The following ABCB5 variants were observed in gnomAD, a reference collection of about 807,000 sequenced individuals.
ABCB5 encodes ATP-binding cassette sub-family B member 5.
ABCB5 carries 155 observed loss-of-function variants against 144.2 expected under a neutral mutation model. That is an observed-to-expected ratio of 1.08 (90% CI 0.94 to 1.23). The LOEUF is 1.23. Ranked by LOEUF, ABCB5 falls within the 50% of genes most tolerant of loss-of-function variation. The probability of loss-of-function intolerance (pLI) is 0.00; values close to 1 mark genes in which losing one functional copy is unlikely to be tolerated. For synonymous variants in ABCB5, 610 were observed against 528.6 expected, an observed-to-expected ratio of 1.15 and a Z score of -2.11; for missense variants, 1,830 against 1,520.8, an observed-to-expected ratio of 1.20 and a Z score of -3.38.
chr7:20,632,261 T>C, intron 5 of ABCB5, 148 bp downstream of exon 5: 1 of 551,590 alleles, frequency 1.8e-6, no homozygotes, highest in Admixed American at 3.6e-5. Context: ...TCATTAGGTA[T>C]ATAAAATACA....
At position 20,694,532 on chromosome 7, in the gene ABCB5, T is replaced by A. The variant is rs1267462230; in HGVS notation, c.2011-3875T>A. ...CATACTAAATGGTGAAAGACTAAGA[T>A]CGAGAACAAGGCAAGGGCATACACT... On this transcript the variant is annotated intron_variant, in intron 16 of 27. Transcript: ENST00000404938. 2.0e-5 allele frequency among the ~76,000 whole-genome samples: 3 copies of A among 151,954 alleles called. No individual in the cohort carries two copies. In the East Asian group the frequency reaches 5.8e-4, roughly 29 times the overall value.
At position 20,644,616 on chromosome 7, in the gene ABCB5, A is replaced by C. The variant is rs766040985; in HGVS notation, c.678+984A>C. 2.3e-4 allele frequency among the ~76,000 whole-genome samples: 35 copies of C among 152,202 alleles called. 1 individual carries two copies. Among genetic ancestry groups the C allele is most frequent in the Non-Finnish European group, 2.9e-5 (2 of 68,030 alleles). On this transcript the variant is annotated intron_variant, in intron 7 of 27. Coordinates refer to ENST00000404938, the MANE Select transcript of ABCB5 (RefSeq NM_001163941.2). ...AAACAACAAATGTATCTGTAATATT[A>C]TTCTTCAAATCATATCTTTTGGAAA...
intron 17 of ABCB5, 99 bp from the exon 18 acceptor site, chr7:20,699,723 AAAG>A: frequency 1.3e-6 from 1 of 753,220 alleles, no homozygotes; most frequent in Non-Finnish European, 2.1e-6. Flanking sequence ...GAAAAAAAAA[AAAG>A]AAATGTATTT....
At chr7:20,717,540 T>C (rs1781716058) in intron 20 of ABCB5, among the ~76,000 whole-genome samples, 1 of 151,492 alleles carries the variant, frequency 6.6e-6, no homozygotes, top group Non-Finnish European at 1.5e-5. Context: ...CCTCCCGGGT[T>C]CAAGCGATTC....
At chr7:20,683,081 G>A (rs78377921) in intron 15 of ABCB5, among the ~76,000 whole-genome samples, 636 of 145,934 alleles carry the variant, frequency 4.4e-3, no homozygotes, top group Non-Finnish European at 7.1e-3. Flanking sequence ...TAATATCTTT[G>A]ATGTCAATAT....
chr7:20,751,179 C>T (rs566142831), intron 26 of ABCB5, among the ~76,000 whole-genome samples: 37 of 152,238 alleles, frequency 2.4e-4, no homozygotes, highest in Non-Finnish European at 4.3e-4. Flanking sequence ...GAGGTGATTT[C>T]GGGGCACTCA....
In ABCB5 at chr7:20,745,430, C is replaced by T. The variant is rs769965553; in HGVS notation, c.3421C>T (p.Leu1141Phe). ...AAATATCCATTCTTTTATTGAAGGT[C>T]TCCCTGAGGTAAGAAAATTTCTGAA... is the stretch of plus-strand genomic sequence containing the variant. ...AANIHSFIEG[L>F]PEKYNTQVGL... Residue 1141 changes from leucine to phenylalanine, a missense_variant, in exon 26 of 28, where the codon CTC becomes TTC. Physicochemically the swap from Leu to Phe is conservative, Grantham distance 22. Transcript: ENST00000404938. The T allele has an allele frequency of 2.5e-6, 4 of 1,614,090 alleles. 1 individual carries two copies. The South Asian group carries it at 4.4e-5, about 18-fold the overall frequency.
At chr7:20,645,682 C>T (rs1282953990) in intron 7 of ABCB5, 74 bp from the exon 8 acceptor site, 2 of 1,531,140 alleles carry the variant, frequency 1.3e-6, no homozygotes, top group East Asian at 4.6e-5. Context: ...AATTCAAATT[C>T]TGCCTGACTT....
intron 19 of ABCB5, among the ~76,000 whole-genome samples, chr7:20,701,095 G>T (rs17218253): frequency 0.24 from 35,731 of 152,018 alleles, 4,499 homozygotes; most frequent in Admixed American, 0.27. Flanking sequence ...CACCTTCTGT[G>T]CAAAAAGGTC....
chr7:20,633,780 C>A lies in ABCB5; in HGVS notation c.314+1667C>A, dbSNP rs573590937. 3.9e-5 allele frequency among the ~76,000 whole-genome samples: 6 copies of A among 152,194 alleles called. No homozygotes were observed. The South Asian group carries it at 1.2e-3, about 32-fold the overall frequency. On this transcript the variant is annotated intron_variant, in intron 5 of 27. Transcript: ENST00000404938. ...CTCCTTATCCCTTCCTTCTCTCTAC[C>A]TTTCCCAGTCTCTAGTATCCTCTGT...
intron 14 of ABCB5, among the ~76,000 whole-genome samples, chr7:20,661,255 T>C (rs529566690): frequency 6.6e-6 from 1 of 152,330 alleles, no homozygotes; most frequent in African/African-American, 2.4e-5. Context: ...CTTCCTACCA[T>C]TCGCCCCAAC....
At position 20,699,880 on chromosome 7, in the gene ABCB5, T is replaced by A; in HGVS notation, c.2210T>A (p.Met737Lys). ...AAGCATGATGCAGAAATTTATTCCA[T>A]GATATTCGTCATTTTGGGTGTTATT... The part of the protein sequence containing the change: ...TLKHDAEIYS[M>K]IFVILGVICF... The change falls in exon 18 of 28, where the codon ATG becomes AAG. Residue 737 changes from methionine to lysine, a missense_variant. Physicochemically the swap from Met to Lys is moderately conservative, Grantham distance 95. Transcript: ENST00000404938. 1 of 1,613,010 alleles carries A rather than the reference T, an allele frequency of 6.2e-7. No homozygotes were observed. The highest frequency in any genetic ancestry group is 1.1e-5 in the South Asian group (1 of 90,728).
At chr7:20,666,847 C>A in intron 14 of ABCB5, 2 of 1,456,900 alleles carry the variant, frequency 1.4e-6, no homozygotes, top group Non-Finnish European at 1.8e-6. Flanking sequence ...ATTGCACTAT[C>A]TCCCTAATCT....
intron 23 of ABCB5, among the ~76,000 whole-genome samples, chr7:20,734,962 C>A (rs55668814): frequency 0.32 from 48,140 of 152,072 alleles, 7,884 homozygotes; most frequent in Non-Finnish European, 0.34. Context: ...TAGTCCCTTT[C>A]GGCTGGTTTC....
rs1785968800 is a variant in ABCB5 at position 20,685,679 on chromosome 7, T to C, written c.1870-17T>C. 6.3e-7 allele frequency: 1 copy of C among 1,585,300 alleles called. No homozygotes were observed. Among genetic ancestry groups the C allele is most frequent in the South Asian group, 1.2e-5 (1 of 86,688 alleles). On this transcript the variant is annotated splice_polypyrimidine_tract_variant and intron_variant, in intron 15 of 27. Transcript: ENST00000404938. ...AAGGCATTCTTATAATGATAACCTATATATTCTTCCTGTAAGGATATTAAA... is the reference window on the plus strand; with the variant it reads ...AAGGCATTCTTATAATGATAACCTACATATTCTTCCTGTAAGGATATTAAA...
chr7:20,693,329 G>A (rs533307348), intron 16 of ABCB5, among the ~76,000 whole-genome samples: 103 of 151,866 alleles, frequency 6.8e-4, no homozygotes, highest in African/African-American at 2.3e-3. Context: ...TTGCATTACC[G>A]TACCCCATGT....
At chr7:20,673,611 AT>A (rs1397598560) in intron 14 of ABCB5, among the ~76,000 whole-genome samples, 3 of 152,002 alleles carry the variant, frequency 2.0e-5, no homozygotes, top group African/African-American at 7.2e-5. Context: ...TTAGCATGGT[AT>A]GAGTTTTTTA....
At position 20,727,069 on chromosome 7, in the gene ABCB5, T is replaced by C; in HGVS notation, c.2655T>C (p.Arg885=). 5 of 1,613,562 alleles carry C rather than the reference T, an allele frequency of 3.1e-6. No homozygotes were observed. Among genetic ancestry groups the C allele is most frequent in the Non-Finnish European group, 4.2e-6 (5 of 1,179,682 alleles). Residue 885 remains arginine (R), a synonymous_variant, in exon 22 of 28, where the codon CGT becomes CGC. Transcript: ENST00000404938. ...KIATEALENI[R]TIVSLTREKA... is the part of the protein sequence containing the mutation. ...CAACTGAAGCTTTGGAGAATATACG[T>C]ACTATAGTGTCATTAACAAGGGAAA...
intron 13 of ABCB5, among the ~76,000 whole-genome samples, chr7:20,653,864 G>A (rs564355971): frequency 9.2e-5 from 14 of 152,338 alleles, no homozygotes; most frequent in Admixed American, 7.8e-4. Flanking sequence ...TGCTGCGGGG[G>A]CGTTGAAAGT....
Sources: allele counts gnomAD v4.1 joint callset (sites outside exome capture counted in the v4.1 genomes callset), GRCh38; gene constraint gnomAD v4.1.1; transcripts MANE v1.5; gene names NCBI Gene and HGNC (gene_info 2026-07-23, HGNC 2026-07-21).